Variants in SH2D1A observed in about 807,000 individuals in gnomAD.
SH2D1A encodes the protein SH2 domain-containing protein 1A.
In SH2D1A, 6 loss-of-function variants were observed where a neutral mutation model predicts 10.1. The ratio of observed to expected loss-of-function variants is 0.60; its 90% CI spans 0.33 to 1.18. SH2D1A has a LOEUF of 1.18. SH2D1A is among the 50% of genes most tolerant of loss of function. The pLI is 0.04. For missense variants in SH2D1A, 51 were observed against 97.6 expected (o/e 0.52, Z 2.01); for synonymous variants, 42 against 36.9 (o/e 1.14, Z -0.51).
intron 1 of SH2D1A, among the ~76,000 whole-genome samples, chrX:124,350,280 T>C (rs1219240611): frequency 4.2e-5 from 1 of 24,073 alleles, no homozygotes; most frequent in Non-Finnish European, 5.9e-5. Context: ...TTATATATAA[T>C]ATTATATAAT....
intron 1 of SH2D1A, among the ~76,000 whole-genome samples, chrX:124,359,159 G>T (rs188600220): frequency 8.9e-6 from 1 of 111,738 alleles, no homozygotes; most frequent in Non-Finnish European, 1.9e-5. Flanking sequence ...ACACCAGGTT[G>T]TTCAGAGACT....
intron 1 of SH2D1A, among the ~76,000 whole-genome samples, chrX:124,362,374 G>A (rs917260597): frequency 4.5e-5 from 5 of 112,343 alleles, no homozygotes; most frequent in South Asian, 3.7e-4. Context: ...ATATTGAATC[G>A]AAGAGGATTA....
At chrX:124,350,199 A>C (rs1202274925) in intron 1 of SH2D1A, among the ~76,000 whole-genome samples, 2 of 61,667 alleles carry the variant, frequency 3.2e-5, no homozygotes, top group East Asian at 8.9e-4. Context: ...ATATAAATAT[A>C]TAATATAAAA....
At chrX:124,348,038 GC>G (rs1358477705) in intron 1 of SH2D1A, among the ~76,000 whole-genome samples, 1 of 111,847 alleles carries the variant, frequency 8.9e-6, no homozygotes, top group Non-Finnish European at 1.9e-5. Context: ...TTATCCTGAT[GC>G]TGGTGCTAGA....
chrX:124,349,014 T>A (rs547412944), intron 1 of SH2D1A, among the ~76,000 whole-genome samples: 4 of 112,664 alleles, frequency 3.6e-5, no homozygotes, highest in South Asian at 3.6e-4. Flanking sequence ...TTTAGACTTT[T>A]GCCTATGTAG....
intron 1 of SH2D1A, among the ~76,000 whole-genome samples, chrX:124,357,844 G>A (rs2060029990): frequency 9.1e-6 from 1 of 109,458 alleles, no homozygotes; most frequent in African/African-American, 3.3e-5. Flanking sequence ...TTTTGCAATG[G>A]TGTCTCGGTC....
At chrX:124,357,677 A>G (rs7054172) in intron 1 of SH2D1A, among the ~76,000 whole-genome samples, 1,440 of 111,646 alleles carry the variant, frequency 0.013, 29 homozygotes, top group African/African-American at 0.044. Context: ...TAACCATCCT[A>G]ACAGGTGTGA....
At chrX:124,355,225 C>T (rs909849140) in intron 1 of SH2D1A, among the ~76,000 whole-genome samples, 11 of 111,667 alleles carry the variant, frequency 9.9e-5, no homozygotes, top group African/African-American at 3.6e-4. Context: ...GTGGATTTGT[C>T]AGTTCTAAAC....
chrX:124,365,884 G>A, intron 2 of SH2D1A, 60 bp downstream of exon 2: 1 of 734,519 alleles, frequency 1.4e-6, no homozygotes, highest in South Asian at 2.1e-5. Flanking sequence ...AATTTAGGCT[G>A]GTTTTATAAA....
Position 124,370,316 on chromosome X carries a change from T to G in SH2D1A, c.342T>G (p.Thr114=), listed in dbSNP as rs1365032083. Residue 114 remains threonine (T), a synonymous_variant, in exon 3 of 4, where the codon ACT becomes ACG. Coordinates refer to ENST00000371139, the MANE Select transcript of SH2D1A (RefSeq NM_002351.5). The part of the protein sequence containing the change: ...KKSSARSTQG[T]TGIREDPDVC... ...CCTCAGCTAGAAGTACACAAGGTAC[T>G]ACAGGTATGATTTCCTCTTAATTTT... 8.3e-7 allele frequency: 1 copy of G among 1,203,271 alleles called. No homozygotes were observed.
intron 2 of SH2D1A, 93 bp from the exon 3 acceptor site, chrX:124,370,083 T>C: frequency 1.5e-6 from 1 of 647,858 alleles, no homozygotes; most frequent in East Asian, 3.2e-5. Context: ...GTTACACAAA[T>C]GTTACTTCTC....
Position 124,351,993 on chromosome X carries a change from T to G in SH2D1A, c.137+5214T>G, listed in dbSNP as rs138350018. On this transcript the variant is annotated intron_variant, in intron 1 of 3. Coordinates refer to ENST00000371139, the MANE Select transcript of SH2D1A (RefSeq NM_002351.5). ...GTTTGCCCTTACTTTTTTTGACACA[T>G]ACAAAAATCAAACTTTTTAGTAGTC... Among the ~76,000 whole-genome samples the G allele has an allele frequency of 3.3e-3, 368 of 111,374 alleles. 1 individual carries two copies. The highest frequency in any genetic ancestry group is 0.011 in the African/African-American group (339 of 30,811).
At position 124,371,345 on chromosome X, in the gene SH2D1A, C is replaced by T; in HGVS notation, c.347-6C>T. On this transcript the variant is annotated splice_region_variant and splice_polypyrimidine_tract_variant and intron_variant, in intron 3 of 3. Transcript: ENST00000371139. ...TTTTTTCTTGATTTTTGTTATTTTT[C>T]TTTAGGGATAAGAGAAGATCCTGAT... 1 of 1,146,996 alleles carries T rather than the reference C, an allele frequency of 8.7e-7. No individual in the cohort carries two copies. The highest frequency in any genetic ancestry group is 1.2e-6 in the Non-Finnish European group (1 of 841,197). 94.5% of individuals were successfully genotyped at this position (1,146,996 alleles called of 1,213,427 possible). A position where few individuals can be genotyped will look rare whatever the true frequency, so the allele number is the denominator to read the frequency against.
At chrX:124,349,244 G>A (rs964844148) in intron 1 of SH2D1A, among the ~76,000 whole-genome samples, 30 of 111,725 alleles carry the variant, frequency 2.7e-4, no homozygotes, top group African/African-American at 8.5e-4. Flanking sequence ...TGACTGTTAG[G>A]GTGATAGCCA....
chrX:124,367,361 C>T (rs1178547736), intron 2 of SH2D1A, among the ~76,000 whole-genome samples: 1 of 111,559 alleles, frequency 9.0e-6, no homozygotes, highest in Non-Finnish European at 1.9e-5. Context: ...GAGCTCATAC[C>T]ACCTGACTGG....
At chrX:124,350,329 AAT>A (rs1239919112) in intron 1 of SH2D1A, among the ~76,000 whole-genome samples, 1 of 29,074 alleles carries the variant, frequency 3.4e-5, no homozygotes, top group Non-Finnish European at 5.2e-5. Context: ...AATATTATAT[AAT>A]ATATAATATA....
chrX:124,351,069 T>A lies in SH2D1A; in HGVS notation c.137+4290T>A, dbSNP rs184411912. 6.6e-3 allele frequency among the ~76,000 whole-genome samples: 609 copies of A among 92,697 alleles called. 9 individuals carry two copies. The highest frequency in any genetic ancestry group is 0.022 in the African/African-American group (555 of 25,591). The allele number at this position is 92,697 out of a possible 115,157, so 80.5% of individuals were successfully genotyped here. A position where few individuals can be genotyped will look rare whatever the true frequency, so the allele number is the denominator to read the frequency against. On this transcript the variant is annotated intron_variant, in intron 1 of 3. Coordinates refer to ENST00000371139, the MANE Select transcript of SH2D1A (RefSeq NM_002351.5). ...TATATATTATTATAAATATATATTTTTATATATATTATTATAAATATATAT... is the reference window on the plus strand; with the variant it reads ...TATATATTATTATAAATATATATTTATATATATATTATTATAAATATATAT...
intron 1 of SH2D1A, among the ~76,000 whole-genome samples, chrX:124,364,763 T>C (rs1175741442): frequency 9.0e-6 from 1 of 111,031 alleles, no homozygotes; most frequent in African/African-American, 3.3e-5. Flanking sequence ...CTGGGAAATA[T>C]AAATATTTTA....
At chrX:124,364,398 T>C (rs1343696204) in intron 1 of SH2D1A, 1 of 281,966 alleles carries the variant, frequency 3.5e-6, no homozygotes, top group Non-Finnish European at 6.8e-6. Flanking sequence ...AGCTGTACAA[T>C]GTGTTTGTGT....
Sources: gnomAD v4.1 joint callset for allele counts (sites outside exome capture counted in the v4.1 genomes callset) on GRCh38, gnomAD v4.1.1 for gene constraint, MANE v1.5 for transcripts, NCBI Gene and HGNC (gene_info 2026-07-23, HGNC 2026-07-21) for gene names.